The following PHKA1 variants were observed in gnomAD, a reference collection of about 807,000 sequenced individuals.
The protein encoded by PHKA1 is phosphorylase kinase regulatory subunit alpha 1.
PHKA1 carries 60 observed loss-of-function variants against 110.2 expected under a neutral mutation model. The ratio of observed to expected loss-of-function variants is 0.54; its 90% confidence interval spans 0.44 to 0.68. The LOEUF is 0.68. Ranked by LOEUF, PHKA1 falls within the 30% of genes least tolerant of loss-of-function variation. The pLI, the probability that PHKA1 is intolerant of heterozygous loss-of-function variation, is 0.00. For synonymous variants in PHKA1, 316 were observed against 333.6 expected, an observed-to-expected ratio of 0.95 and a Z score of 0.58; for missense variants, 801 against 942.5, an observed-to-expected ratio of 0.85 and a Z score of 1.97.
At chrX:72,665,539 T>C (rs2053607458) in intron 8 of PHKA1, among the ~76,000 whole-genome samples, 1 of 111,317 alleles carries the variant, frequency 9.0e-6, no homozygotes, top group Admixed American at 9.5e-5. Flanking sequence ...AGGCCAGCAG[T>C]ACCCTGAAAC....
chrX:72,583,523 C>T (rs1019976838), intron 30 of PHKA1, among the ~76,000 whole-genome samples: 5 of 111,714 alleles, frequency 4.5e-5, no homozygotes, highest in Non-Finnish European at 9.4e-5. Flanking sequence ...TGAAGCATAA[C>T]ATTAGCTTTC....
intron 23 of PHKA1, among the ~76,000 whole-genome samples, chrX:72,608,109 T>C (rs940797517): frequency 2.4e-4 from 27 of 111,594 alleles, no homozygotes; most frequent in Admixed American, 1.9e-3. Context: ...ACTGTGCTGA[T>C]TGTTCAGGTC....
intron 16 of PHKA1, among the ~76,000 whole-genome samples, chrX:72,630,232 A>T (rs2053143945): frequency 9.3e-6 from 1 of 107,218 alleles, no homozygotes; most frequent in Admixed American, 1.0e-4. Flanking sequence ...AGGCTGGGTG[A>T]CAGAGAGAGA....
At chrX:72,616,866 C>T (rs1483671898) in intron 21 of PHKA1, among the ~76,000 whole-genome samples, 1 of 111,681 alleles carries the variant, frequency 9.0e-6, no homozygotes, top group Non-Finnish European at 1.9e-5. Flanking sequence ...AGAAACTTTA[C>T]AAATACAAGG....
chrX:72,636,085 C>A (rs1273551121), intron 15 of PHKA1, among the ~76,000 whole-genome samples, 192 bp downstream of exon 15: 5 of 111,848 alleles, frequency 4.5e-5, no homozygotes, highest in African/African-American at 1.3e-4. Context: ...TTGGCAGTTA[C>A]AATCACTTAG....
chrX:72,590,968 T>G (rs1231124241), intron 29 of PHKA1, among the ~76,000 whole-genome samples: 2 of 111,717 alleles, frequency 1.8e-5, no homozygotes, highest in Non-Finnish European at 3.8e-5. Flanking sequence ...TTGGTGGGAG[T>G]GTAAACTAGT....
intron 30 of PHKA1, 138 bp downstream of exon 30, chrX:72,584,111 G>A (rs1200732613): frequency 3.7e-5 from 20 of 538,110 alleles, no homozygotes; most frequent in Middle Eastern, 3.4e-4. Context: ...TAAAAAAATT[G>A]TCTTTTCTTC....
chrX:72,654,434 A>T (rs935592521), intron 10 of PHKA1, among the ~76,000 whole-genome samples: 3 of 111,162 alleles, frequency 2.7e-5, no homozygotes, highest in Non-Finnish European at 5.7e-5. Flanking sequence ...TCAGCCTTTT[A>T]AAAAAATTTT....
chrX:72,640,318 T>C (rs189024493), intron 14 of PHKA1, among the ~76,000 whole-genome samples: 11 of 111,486 alleles, frequency 9.9e-5, no homozygotes, highest in African/African-American at 3.2e-4. Flanking sequence ...TGGAAATCAG[T>C]AAGAAATCAA....
Position 72,609,642 on chromosome X carries a change from C to T in PHKA1, c.2588G>A (p.Arg863Gln), listed in dbSNP as rs1556257038. The T allele has an allele frequency of 4.1e-6, 5 of 1,204,961 alleles. No individual in the cohort carries two copies. Among genetic ancestry groups the T allele is most frequent in the East Asian group, 3.0e-5 (1 of 33,803 alleles). Residue 863 changes from arginine to glutamine, a missense_variant, in exon 23 of 32, where the codon CGA (arginine) becomes CAA (glutamine). By Grantham distance (43) the Arg-to-Gln change is conservative (BLOSUM62 1). Around this residue, in one of 2 missense-constraint regions of PHKA1, gnomAD observed 502 missense variants for 519.2 expected, o/e 0.97. Transcript: ENST00000373542. ...HLTVGLPPEP[R>Q]EKTISAPLPY... ...TACTCACGCAGAGATAGTCTTTTCT[C>T]GAGGTTCTGGAGGAAGTCCTACTGT...
chrX:72,681,451 G>T (rs2053867623), intron 5 of PHKA1, among the ~76,000 whole-genome samples: 2 of 102,328 alleles, frequency 2.0e-5, no homozygotes, highest in Non-Finnish European at 2.0e-5. Flanking sequence ...AGGTGGGGGG[G>T]TCAGCCCCCC....
chrX:72,611,000 T>C, intron 22 of PHKA1, 28 bp downstream of exon 22: 1 of 1,143,904 alleles, frequency 8.7e-7, no homozygotes. Context: ...TTATTTAGAT[T>C]TGGTATAAAT....
rs189356078 is a variant in PHKA1, at chrX:72,618,537, A to C, written c.2369+173T>G. 2.2e-3 allele frequency among the ~76,000 whole-genome samples: 248 copies of C among 111,806 alleles called. 1 individual carries two copies. Among genetic ancestry groups the C allele is most frequent in the African/African-American group, 7.5e-3 (232 of 30,859 alleles). On this transcript the variant is annotated intron_variant, in intron 21 of 31. Transcript: ENST00000373542. ...TACAATAACTCTATGAGGTATATAT[A>C]ATCCAAATTCTATAAATGAGGACAA... is the stretch of plus-strand genomic sequence containing the variant.
chrX:72,607,485 A>G (rs182313672), intron 23 of PHKA1, among the ~76,000 whole-genome samples: 1 of 111,840 alleles, frequency 8.9e-6, no homozygotes, highest in East Asian at 2.8e-4. Context: ...GATGTTGAGC[A>G]CCTTTTCATA....
intron 23 of PHKA1, among the ~76,000 whole-genome samples, 156 bp from the exon 24 acceptor site, chrX:72,605,775 T>C (rs782021162): frequency 8.9e-6 from 1 of 112,527 alleles, no homozygotes; most frequent in East Asian, 2.8e-4. Flanking sequence ...CAAAGCTCAT[T>C]CATTGCCTCC....
At position 72,657,606 on chromosome X, in the gene PHKA1, T is replaced by C. The variant is rs782747451; in HGVS notation, c.900A>G (p.Gly300=). The change falls in exon 9 of 32, where the codon GGA becomes GGG. Residue 300 remains glycine (G), a synonymous_variant. Coordinates refer to ENST00000373542, the MANE Select transcript of PHKA1 (RefSeq NM_002637.4). Reference sequence around the variant, plus strand: ...AACCTACCTCTTTAGGAGTTTTATATCCATCTCGTAGAAAGCGACAGCAAC... The same window carrying C: ...AACCTACCTCTTTAGGAGTTTTATACCCATCTCGTAGAAAGCGACAGCAAC... ...RYGCCRFLRD[G]YKTPKEDPNR... 14 of 1,205,156 alleles carry C rather than the reference T, an allele frequency of 1.2e-5. No individual in the cohort carries two copies. The Middle Eastern group carries it at 6.9e-4, about 59-fold the overall frequency.
intron 25 of PHKA1, among the ~76,000 whole-genome samples, chrX:72,604,003 T>C (rs1473358151): frequency 9.1e-6 from 1 of 110,298 alleles, no homozygotes; most frequent in East Asian, 2.9e-4. Context: ...GACCCAGGGA[T>C]CTTGACTTTA....
chrX:72,700,150 C>T (rs2054187490), intron 3 of PHKA1, among the ~76,000 whole-genome samples: 1 of 112,173 alleles, frequency 8.9e-6, no homozygotes, highest in African/African-American at 3.2e-5. Flanking sequence ...ATGTAATTGG[C>T]TTCATGCTGT....
intron 18 of PHKA1, chrX:72,622,404 A>G: frequency 1.3e-6 from 1 of 754,289 alleles, no homozygotes; most frequent in Non-Finnish European, 1.6e-6. Context: ...ATCATATTTT[A>G]GAGGGCTAGA....
Sources: gnomAD v4.1 joint callset for allele counts (sites outside exome capture counted in the v4.1 genomes callset) on GRCh38, gnomAD v4.1.1 for gene constraint, gnomAD v4.1.1 regional missense constraint, MANE v1.5 for transcripts, NCBI Gene and HGNC (gene_info 2026-07-23, HGNC 2026-07-21) for gene names.